Variants in ANKEF1 observed in about 807,000 individuals in gnomAD.
The protein encoded by ANKEF1 is ankyrin repeat and EF-hand domain-containing protein 1.
In ANKEF1, 43 loss-of-function variants were observed where a neutral mutation model predicts 65.1. That is an observed-to-expected ratio of 0.66 (90% CI 0.52 to 0.85). ANKEF1 has a LOEUF of 0.85. ANKEF1 is among the 40% of genes least tolerant of loss of function. ANKEF1 has a pLI of 0.00. For missense variants in ANKEF1, 934 were observed against 952.9 expected, an observed-to-expected ratio of 0.98 and a Z score of 0.26; for synonymous variants, 316 against 341.5, an observed-to-expected ratio of 0.93 and a Z score of 0.82.
Position 10,054,691 on chromosome 20 carries a change from G to T in ANKEF1, c.2172+92G>T, listed in dbSNP as rs1014850145. The T allele has an allele frequency of 2.0e-5, 26 of 1,315,354 alleles. 1 individual carries two copies. In the South Asian group the frequency reaches 2.5e-4, roughly 12 times the overall value. 81.5% of individuals were successfully genotyped at this position (1,315,354 alleles called of 1,614,324 possible). ...TTATGTAGAATATCCAAACAAATCTGCACAGTTTGTCTTTCATAGTTACTA... is the reference window on the plus strand; with the variant it reads ...TTATGTAGAATATCCAAACAAATCTTCACAGTTTGTCTTTCATAGTTACTA... On this transcript the variant is annotated intron_variant, in intron 10 of 10. Coordinates refer to ENST00000378392, the MANE Select transcript of ANKEF1 (RefSeq NM_022096.6).
chr20:10,045,532 T>C, intron 5 of ANKEF1, 42 bp from the exon 6 acceptor site: 1 of 1,599,946 alleles, frequency 6.3e-7, no homozygotes, highest in Non-Finnish European at 8.6e-7. Flanking sequence ...ATAGTAAATG[T>C]ACATTCCTAT....
Position 10,038,590 on chromosome 20 carries a change from A to G in ANKEF1, c.289A>G (p.Met97Val), listed in dbSNP as rs1229114887. ...RAAELGHELS[M>V]EILAKAKADM... is the part of the protein sequence containing the mutation. ...TGCAGAACTGGGCCATGAATTGTCA[A>G]TGGAAATATTAGCAAAGGCAAAGGC... The change falls in exon 3 of 11, where the codon ATG (methionine) becomes GTG (valine). Residue 97 changes from methionine (M) to valine (V), a missense_variant. Physicochemically the swap from Met to Val is conservative, Grantham distance 21 (BLOSUM62 1). Transcript: ENST00000378392. 4 of 1,613,984 alleles carry G rather than the reference A, an allele frequency of 2.5e-6. No individual in the cohort carries two copies. Among genetic ancestry groups the G allele is most frequent in the Non-Finnish European group, 3.4e-6 (4 of 1,179,946 alleles).
chr20:10,038,040 C>G (rs1983958720), intron 2 of ANKEF1, among the ~76,000 whole-genome samples: 1 of 151,970 alleles, frequency 6.6e-6, no homozygotes, highest in Non-Finnish European at 1.5e-5. Context: ...ATAAGAAAAC[C>G]ACCTGGCAAA....
At chr20:10,048,849 A>C (rs1038694342) in intron 6 of ANKEF1, among the ~76,000 whole-genome samples, 15 of 152,228 alleles carry the variant, frequency 9.9e-5, no homozygotes, top group Non-Finnish European at 1.9e-4. Flanking sequence ...AAGGTTGTTC[A>C]TATGGCCATA....
rs566923711 is a variant in ANKEF1 at position 10,049,693 on chromosome 20, T to C, written c.1124T>C (p.Leu375Pro). 1.2e-5 allele frequency: 19 copies of C among 1,614,150 alleles called. No homozygotes were observed. The South Asian group carries it at 2.1e-4, about 18-fold the overall frequency. The change falls in exon 7 of 11, where the codon CTG becomes CCG. Residue 375 changes from leucine (L) to proline (P), a missense_variant. Leu to Pro is a moderately conservative substitution (Grantham distance 98, BLOSUM62 -3). Coordinates refer to ENST00000378392, the MANE Select transcript of ANKEF1 (RefSeq NM_022096.6). Reference protein sequence around the residue: ...ERQDYASSEQLAAIAHLHEKT... With the variant: ...ERQDYASSEQPAAIAHLHEKT... ...CAGGATTATGCAAGCTCAGAACAGC[T>C]GGCTGCCATCGCTCACCTTCATGAG...
chr20:10,037,914 T>A (rs1331565513), intron 2 of ANKEF1, among the ~76,000 whole-genome samples: 2 of 152,222 alleles, frequency 1.3e-5, no homozygotes, highest in Non-Finnish European at 2.9e-5. Context: ...TTTGCTGGTG[T>A]GAAACCATGT....
In ANKEF1 at chr20:10,053,291, G is replaced by C; in HGVS notation, c.2034+16G>C. ...GAAAGAAGAGGTAAGAAAAATGGTT[G>C]ACTACCCATTAGTAACTGGAACTCT... On this transcript the variant is annotated intron_variant, in intron 9 of 10. Transcript: ENST00000378392. The C allele has an allele frequency of 6.3e-7, 1 of 1,581,194 alleles. No individual in the cohort carries two copies. The highest frequency in any genetic ancestry group is 8.5e-7 in the Non-Finnish European group (1 of 1,170,270).
In ANKEF1 at chr20:10,049,619, T is replaced by G. The variant is rs760689078; in HGVS notation, c.1050T>G (p.Gly350=). ...AAGCCTTTGCGGTTTTAGACAGGGG[T>G]GATGGAAGCATCAGCAAGAACGACT... ...LREAFAVLDR[G]DGSISKNDFV... The change falls in exon 7 of 11, where the codon GGT becomes GGG. Residue 350 remains glycine (G), a synonymous_variant. Coordinates refer to ENST00000378392, the MANE Select transcript of ANKEF1 (RefSeq NM_022096.6). 24 of 1,613,738 alleles carry G rather than the reference T, an allele frequency of 1.5e-5. No homozygotes were observed. The African/African-American group carries it at 3.1e-4, about 21-fold the overall frequency.
rs1984479216 is a variant in ANKEF1 at position 10,045,684 on chromosome 20, T to C, written c.807T>C (p.Tyr269=). The C allele has an allele frequency of 6.2e-7, 1 of 1,613,678 alleles. No individual in the cohort carries two copies. The highest frequency in any genetic ancestry group is 8.5e-7 in the Non-Finnish European group (1 of 1,179,722). Residue 269 remains tyrosine, a synonymous_variant, in exon 6 of 11, where the codon TAT becomes TAC. Transcript: ENST00000378392. The stretch of plus-strand genomic sequence containing the variant: ...GTGGTTTTGCAGACTGCTGTAAATA[T>C]ATAGCTCAGCGAGGTAAAATTGTCT... ...AMGGFADCCK[Y]IAQRGCDLKW...
At chr20:10,039,908 A>G (rs539227003) in intron 3 of ANKEF1, among the ~76,000 whole-genome samples, 15 of 152,346 alleles carry the variant, frequency 9.8e-5, no homozygotes, top group Non-Finnish European at 2.2e-4. Context: ...GGGAAACACT[A>G]TAATAGAGAA....
rs887878415 is a variant in ANKEF1 at position 10,038,706 on chromosome 20, T to C, written c.346+59T>C. The C allele has an allele frequency of 1.1e-5, 15 of 1,304,680 alleles. 1 individual carries two copies. In the South Asian group the frequency reaches 1.8e-4, roughly 16 times the overall value. The allele number at this position is 1,304,680 out of a possible 1,614,324, so 80.8% of individuals were successfully genotyped here. A position where few individuals can be genotyped will look rare whatever the true frequency, so the allele number is the denominator to read the frequency against. ...AATTCATTTTGTAGCCAGAAAGCAA[T>C]AACATGGACTCTTTTTGTTTTCCAA... On this transcript the variant is annotated intron_variant, in intron 3 of 10. Transcript: ENST00000378392.
At chr20:10,036,876 G>A (rs1983888768) in intron 2 of ANKEF1, among the ~76,000 whole-genome samples, 1 of 152,122 alleles carries the variant, frequency 6.6e-6, no homozygotes, top group South Asian at 2.1e-4. Flanking sequence ...CGAGACACCA[G>A]GGGAGTGTGT....
At chr20:10,045,181 T>C (rs1984440366) in intron 5 of ANKEF1, among the ~76,000 whole-genome samples, 1 of 152,210 alleles carries the variant, frequency 6.6e-6, no homozygotes, top group Non-Finnish European at 1.5e-5. Flanking sequence ...TGGTAAAGAA[T>C]TTTCCCCTTG....
chr20:10,047,904 T>G (rs1407557357), intron 6 of ANKEF1, among the ~76,000 whole-genome samples: 1 of 152,222 alleles, frequency 6.6e-6, no homozygotes, highest in Non-Finnish European at 1.5e-5. Context: ...AGGATTAAGC[T>G]GGAAGCTGCA....
chr20:10,055,829 A>G lies in ANKEF1; in HGVS notation c.*169A>G. ...ATATTCTTAGCTGTCTAGAGAAAAG[A>G]TGTATGTTATTTTGAAATGAATGGT... On this transcript the variant is annotated 3_prime_UTR_variant, in exon 11 of 11. Coordinates refer to ENST00000378392, the MANE Select transcript of ANKEF1 (RefSeq NM_022096.6). 1 of 643,570 alleles carries G rather than the reference A, an allele frequency of 1.6e-6. No individual in the cohort carries two copies. Among genetic ancestry groups the G allele is most frequent in the Non-Finnish European group, 2.6e-6 (1 of 380,822 alleles). The allele number at this position is 643,570 out of a possible 1,614,324, so 39.9% of individuals were successfully genotyped here. A position where few individuals can be genotyped will look rare whatever the true frequency, so the allele number is the denominator to read the frequency against.
At chr20:10,054,693 A>C in intron 10 of ANKEF1, 94 bp downstream of exon 10, 1 of 1,305,140 alleles carries the variant, frequency 7.7e-7, no homozygotes, top group Non-Finnish European at 1.1e-6. Context: ...ACAAATCTGC[A>C]CAGTTTGTCT....
At chr20:10,045,552 A>G (rs201253740) in intron 5 of ANKEF1, 22 bp from the exon 6 acceptor site, 8 of 1,611,454 alleles carry the variant, frequency 5.0e-6, no homozygotes, top group African/African-American at 1.3e-5. Context: ...TTCCTCCACA[A>G]TATCCACTAT....
intron 3 of ANKEF1, among the ~76,000 whole-genome samples, chr20:10,040,878 G>A (rs1369028211): frequency 2.0e-5 from 3 of 151,556 alleles, no homozygotes; most frequent in African/African-American, 4.8e-5. Context: ...TGTTGCTGTT[G>A]TTGTTTTGCT....
intron 3 of ANKEF1, among the ~76,000 whole-genome samples, chr20:10,039,849 T>A (rs1304339326): frequency 6.7e-6 from 1 of 150,158 alleles, no homozygotes; most frequent in Non-Finnish European, 1.5e-5. Context: ...CACAAAATAA[T>A]TTTTTTTAAT....
Sources: allele counts gnomAD v4.1 joint callset (sites outside exome capture counted in the v4.1 genomes callset), GRCh38; gene constraint gnomAD v4.1.1; transcripts MANE v1.5; gene names NCBI Gene and HGNC (gene_info 2026-07-23, HGNC 2026-07-21).